Variants in HECW2 observed in about 807,000 individuals in gnomAD.
HECW2 encodes the protein E3 ubiquitin-protein ligase HECW2.
HECW2 carries 61 observed loss-of-function variants against 175.2 expected under a neutral mutation model. The observed-to-expected ratio is 0.35, with a 90% confidence interval of 0.28 to 0.43. The LOEUF (loss-of-function observed/expected upper bound fraction) is 0.43, where lower values mean the gene tolerates loss of function less well. HECW2 is among the 20% of genes least tolerant of loss of function. The pLI is 1.00. For missense variants in HECW2, 1,524 were observed against 2,000.5 expected (o/e 0.76, Z 4.54); for synonymous variants, 671 against 731.0 (o/e 0.92, Z 1.32).
chr2:196,225,976 A>T, intron 22 of HECW2, 106 bp from the exon 23 acceptor site: 1 of 688,112 alleles, frequency 1.5e-6, no homozygotes, highest in Non-Finnish European at 2.6e-6. Flanking sequence ...AAATTTTTCC[A>T]ATATTAATTG....
rs778816769 is a variant in HECW2, at chr2:196,292,613, C to A, written c.2952G>T (p.Gln984His). 1.2e-6 allele frequency: 2 copies of A among 1,614,162 alleles called. No homozygotes were observed. Among genetic ancestry groups the A allele is most frequent in the Admixed American group, 3.3e-5 (2 of 60,026 alleles). Reference protein sequence around the residue: ...VGFLNMFANKQLELPRGWEMK... With the variant: ...VGFLNMFANKHLELPRGWEMK... ...TTTCCCATCCCCGCGGCAGCTCTAG[C>A]TGTTTGTTCGCGAACATGTTGAGGA... Residue 984 changes from glutamine (Q) to histidine (H), a missense_variant, in exon 14 of 29, where the codon CAG becomes CAT. By Grantham distance (24) the Gln-to-His change is conservative. Around this residue, in one of 11 missense-constraint regions of HECW2, gnomAD observed 291 missense variants for 412.2 expected, o/e 0.71. Coordinates refer to ENST00000644978, the MANE Select transcript of HECW2 (RefSeq NM_001348768.2).
intron 6 of HECW2, among the ~76,000 whole-genome samples, chr2:196,322,847 CTCAG>C (rs1281328640): frequency 6.6e-6 from 1 of 152,312 alleles, no homozygotes; most frequent in Middle Eastern, 3.4e-3. Context: ...AAGAAGCCCT[CTCAG>C]TCAATCATGC....
intron 26 of HECW2, among the ~76,000 whole-genome samples, chr2:196,219,064 TA>T (rs575180574): frequency 1.3e-5 from 2 of 152,088 alleles, no homozygotes; most frequent in Admixed American, 6.5e-5. Context: ...CTACCTTTTT[TA>T]AAAAAAATCT....
At chr2:196,392,214 T>C (rs545565968) in intron 2 of HECW2, among the ~76,000 whole-genome samples, 4 of 152,282 alleles carry the variant, frequency 2.6e-5, no homozygotes, top group Admixed American at 6.5e-5. Context: ...TAGAATAAAA[T>C]TGAGTAATAT....
At chr2:196,337,341 T>G (rs545581588) in intron 3 of HECW2, among the ~76,000 whole-genome samples, 1 of 151,300 alleles carries the variant, frequency 6.6e-6, no homozygotes, top group South Asian at 2.1e-4. Flanking sequence ...AAAAGCTATT[T>G]CTGAGAAATA....
At chr2:196,384,091 CA>C (rs1694282468) in intron 2 of HECW2, among the ~76,000 whole-genome samples, 1 of 152,188 alleles carries the variant, frequency 6.6e-6, no homozygotes, top group East Asian at 1.9e-4. Flanking sequence ...TGTGTAAAAC[CA>C]AAAAGAAATT....
intron 2 of HECW2, among the ~76,000 whole-genome samples, chr2:196,362,520 T>C (rs1178265334): frequency 6.6e-6 from 1 of 152,204 alleles, no homozygotes; most frequent in East Asian, 1.9e-4. Context: ...TCATTTAGGT[T>C]ACTGAAATGG....
At chr2:196,517,919 T>A (rs900816995) in intron 1 of HECW2, among the ~76,000 whole-genome samples, 2 of 152,164 alleles carry the variant, frequency 1.3e-5, no homozygotes, top group African/African-American at 4.8e-5. Flanking sequence ...TAATTCCACC[T>A]CAAAGCATCA....
intron 1 of HECW2, among the ~76,000 whole-genome samples, chr2:196,531,685 T>C (rs1688846149): frequency 6.6e-6 from 1 of 151,742 alleles, no homozygotes; most frequent in African/African-American, 2.4e-5. Context: ...AAAAAAAAGT[T>C]TTCAGGATGA....
At chr2:196,435,984 A>G (rs1041834082) in intron 1 of HECW2, among the ~76,000 whole-genome samples, 1 of 152,226 alleles carries the variant, frequency 6.6e-6, no homozygotes, top group Non-Finnish European at 1.5e-5. Context: ...CCTTCTACTT[A>G]ATCAGCATCT....
At chr2:196,298,266 A>G (rs1235350496) in intron 13 of HECW2, among the ~76,000 whole-genome samples, 1 of 152,202 alleles carries the variant, frequency 6.6e-6, no homozygotes, top group African/African-American at 2.4e-5. Context: ...AACAAGAGAA[A>G]TCGTTTGTCA....
chr2:196,549,847 G>A lies in HECW2; in HGVS notation c.-36+43661C>T, dbSNP rs144645840. On this transcript the variant is annotated intron_variant, in intron 1 of 28. Transcript: ENST00000644978. Reference sequence around the variant, plus strand: ...GTATATTTACCAATCGACCTGATATGTTTCAGGCAATGCTATAATATTCTA... The same window carrying A: ...GTATATTTACCAATCGACCTGATATATTTCAGGCAATGCTATAATATTCTA... 1.2e-3 allele frequency among the ~76,000 whole-genome samples: 190 copies of A among 152,298 alleles called. 1 individual carries two copies. The highest frequency in any genetic ancestry group is 4.2e-3 in the African/African-American group (174 of 41,562).
At position 196,320,451 on chromosome 2, in the gene HECW2, G is replaced by A; in HGVS notation, c.885-12C>T. On this transcript the variant is annotated splice_polypyrimidine_tract_variant and intron_variant, in intron 7 of 28. Transcript: ENST00000644978. ...TGAGCATTTGATCACTGCAAGAAGAGAAATGCTTCTTTCATCCTGACTACG... is the reference window on the plus strand; with the variant it reads ...TGAGCATTTGATCACTGCAAGAAGAAAAATGCTTCTTTCATCCTGACTACG... 2 of 1,573,452 alleles carry A rather than the reference G, an allele frequency of 1.3e-6. No homozygotes were observed. The highest frequency in any genetic ancestry group is 1.7e-6 in the Non-Finnish European group (2 of 1,144,620).
At chr2:196,413,890 T>C (rs1044641530) in intron 2 of HECW2, among the ~76,000 whole-genome samples, 2 of 152,244 alleles carry the variant, frequency 1.3e-5, no homozygotes, top group South Asian at 2.1e-4. Flanking sequence ...CTGGTCTCTA[T>C]AGGAACGCGG....
At chr2:196,523,150 T>C (rs1442903211) in intron 1 of HECW2, among the ~76,000 whole-genome samples, 2 of 152,202 alleles carry the variant, frequency 1.3e-5, no homozygotes, top group African/African-American at 4.8e-5. Context: ...CTCTTTTATT[T>C]CATTGAGCAG....
Position 196,533,289 on chromosome 2 carries a change from G to A in HECW2, c.-36+60219C>T, listed in dbSNP as rs1009512463. ...TAGCAAAGATCCCTATGTTGATTAC[G>A]AATTAGCAACCAATGACCTCTATCT... On this transcript the variant is annotated intron_variant, in intron 1 of 28. Transcript: ENST00000644978. Among the ~76,000 whole-genome samples, 7 of 152,134 alleles carry A rather than the reference G, an allele frequency of 4.6e-5. No homozygotes were observed. In the East Asian group the frequency reaches 7.7e-4, roughly 17 times the overall value.
At chr2:196,499,605 C>A (rs1385520223) in intron 1 of HECW2, among the ~76,000 whole-genome samples, 1 of 152,142 alleles carries the variant, frequency 6.6e-6, no homozygotes, top group Non-Finnish European at 1.5e-5. Flanking sequence ...CACATTTTAT[C>A]TTTATTGCTA....
At chr2:196,223,800 T>C (rs941532060) in intron 23 of HECW2, among the ~76,000 whole-genome samples, 21 of 152,084 alleles carry the variant, frequency 1.4e-4, no homozygotes, top group East Asian at 5.8e-4. Context: ...ACTACAGTAA[T>C]ATGGCCAAAA....
intron 2 of HECW2, among the ~76,000 whole-genome samples, chr2:196,357,720 C>G (rs925282353): frequency 6.6e-6 from 1 of 152,184 alleles, no homozygotes; most frequent in Admixed American, 6.5e-5. Context: ...TCTCTCCATG[C>G]TGTTCTCATG....
Sources: allele counts gnomAD v4.1 joint callset (sites outside exome capture counted in the v4.1 genomes callset), GRCh38; gene constraint gnomAD v4.1.1; regional missense constraint gnomAD v4.1.1; transcripts MANE v1.5; gene names NCBI Gene and HGNC (gene_info 2026-07-23, HGNC 2026-07-21).